VRK2: variants seen among roughly 807,000 people sequenced by gnomAD.
VRK2 encodes the protein VRK serine/threonine kinase 2.
In VRK2, 60 loss-of-function variants were observed where a neutral mutation model predicts 57.6. The observed-to-expected ratio is 1.04, with a 90% CI of 0.85 to 1.29. The LOEUF (loss-of-function observed/expected upper bound fraction) is 1.29. Ranked by LOEUF, VRK2 falls within the 50% of genes most tolerant of loss-of-function variation. The pLI is 0.00. For synonymous variants in VRK2, 231 were observed against 199.2 expected (o/e 1.16, Z -1.35); for missense variants, 705 against 588.1 (o/e 1.20, Z -2.06).
At chr2:58,039,736 A>G (rs1036066663) in intron 3 of VRK2, among the ~76,000 whole-genome samples, 6 of 152,134 alleles carry the variant, frequency 3.9e-5, no homozygotes, top group African/African-American at 1.4e-4. Context: ...TGGAAAGCAT[A>G]TAACCTAAAA....
At chr2:58,064,110 GAT>G (rs1167839255) in intron 2 of VRK2, among the ~76,000 whole-genome samples, 2 of 152,086 alleles carry the variant, frequency 1.3e-5, no homozygotes, top group Non-Finnish European at 2.9e-5. Context: ...GGTTTCCTGA[GAT>G]AGAATCTATC....
At chr2:57,952,254 GA>G (rs1327558717) in intron 1 of VRK2, among the ~76,000 whole-genome samples, 1 of 151,778 alleles carries the variant, frequency 6.6e-6, no homozygotes, top group Non-Finnish European at 1.5e-5. Flanking sequence ...TGGTGGTCTG[GA>G]AAAAAACCCA....
At chr2:58,120,774 C>T (rs958401437) in intron 7 of VRK2, among the ~76,000 whole-genome samples, 2 of 152,128 alleles carry the variant, frequency 1.3e-5, no homozygotes, top group African/African-American at 4.8e-5. Context: ...GATGGTCATT[C>T]CTTTGCAGGA....
chr2:58,076,348 A>G (rs556663316), intron 2 of VRK2, among the ~76,000 whole-genome samples: 52 of 152,132 alleles, frequency 3.4e-4, no homozygotes, highest in African/African-American at 1.2e-3. Flanking sequence ...ATTAGCCTAC[A>G]ATTGGGCAAA....
intron 1 of VRK2, among the ~76,000 whole-genome samples, chr2:58,012,496 G>A (rs1300970786): frequency 6.6e-6 from 1 of 152,116 alleles, no homozygotes; most frequent in Non-Finnish European, 1.5e-5. Flanking sequence ...TATTTATCAG[G>A]CATGCTTAAT....
chr2:58,126,927 A>C (rs891067805), intron 8 of VRK2, among the ~76,000 whole-genome samples: 15 of 152,026 alleles, frequency 9.9e-5, no homozygotes, highest in Non-Finnish European at 2.1e-4. Flanking sequence ...AGATTTTTCT[A>C]CTCACTGAGG....
intron 8 of VRK2, among the ~76,000 whole-genome samples, chr2:58,125,097 C>T (rs775397161): frequency 3.3e-5 from 5 of 152,106 alleles, no homozygotes; most frequent in African/African-American, 4.8e-5. Flanking sequence ...ATTCATCATA[C>T]AGGTTCTTAA....
In VRK2 at chr2:58,089,615, C is replaced by G; in HGVS notation, c.451-16C>G. The G allele has an allele frequency of 6.7e-7, 1 of 1,502,628 alleles. No individual in the cohort carries two copies. 93.1% of individuals were successfully genotyped at this position (1,502,628 alleles called of 1,614,324 possible). ...TAAATAGCAGTAAACCTTATTTTAT[C>G]TATTTATTTTCACAGTTGGATGTAC... On this transcript the variant is annotated splice_polypyrimidine_tract_variant and intron_variant, in intron 6 of 12. Coordinates refer to ENST00000340157, the MANE Select transcript of VRK2 (RefSeq NM_006296.7).
chr2:57,935,418 T>C (rs575900321), intron 1 of VRK2, among the ~76,000 whole-genome samples: 31 of 152,328 alleles, frequency 2.0e-4, no homozygotes, highest in African/African-American at 6.5e-4. Flanking sequence ...TCTAGGGCAG[T>C]GCTCTGAAAT....
chr2:58,077,899 G>C (rs1380598614), intron 2 of VRK2, among the ~76,000 whole-genome samples: 1 of 152,082 alleles, frequency 6.6e-6, no homozygotes, highest in East Asian at 1.9e-4. Context: ...CAAAGAGATA[G>C]CTGGCAACAT....
chr2:58,137,241 T>TATGATA, intron 10 of VRK2, among the ~76,000 whole-genome samples: 1 of 129,680 alleles, frequency 7.7e-6, no homozygotes, highest in Non-Finnish European at 1.6e-5. Context: ...TACATATATA[T>TATGATA]CATATATATG....
intron 2 of VRK2, among the ~76,000 whole-genome samples, chr2:58,059,351 A>G (rs1331074837): frequency 6.6e-6 from 1 of 152,000 alleles, no homozygotes; most frequent in Admixed American, 6.6e-5. Flanking sequence ...TTTTGAGTCA[A>G]ATAAGCAACA....
intron 2 of VRK2, among the ~76,000 whole-genome samples, chr2:58,075,357 T>C (rs927770712): frequency 6.6e-6 from 1 of 152,118 alleles, no homozygotes; most frequent in Non-Finnish European, 1.5e-5. Context: ...TTCATGTGCA[T>C]GGGTCTTTTT....
At chr2:57,938,557 G>A (rs1459689942) in intron 1 of VRK2, among the ~76,000 whole-genome samples, 1 of 152,154 alleles carries the variant, frequency 6.6e-6, no homozygotes, top group Non-Finnish European at 1.5e-5. Context: ...TTATCAGATT[G>A]ATGCTGATTG....
rs367931194 is a variant in VRK2 at position 58,084,741 on chromosome 2, C to G, written c.187-140C>G. 1.2e-5 allele frequency: 6 copies of G among 519,558 alleles called. No homozygotes were observed. The East Asian group carries it at 1.5e-4, about 13-fold the overall frequency. 32.2% of individuals were successfully genotyped at this position (519,558 alleles called of 1,614,324 possible). The stretch of plus-strand genomic sequence containing the variant: ...GTTTTCTGAGATTTTTAGTGGAAAT[C>G]TGGTGCCTATGTTTTATAAAAAGTG... On this transcript the variant is annotated intron_variant, in intron 3 of 12. Coordinates refer to ENST00000340157, the MANE Select transcript of VRK2 (RefSeq NM_006296.7).
intron 1 of VRK2, among the ~76,000 whole-genome samples, chr2:58,002,826 G>T (rs1479508850): frequency 6.6e-6 from 1 of 152,162 alleles, no homozygotes; most frequent in African/African-American, 2.4e-5. Context: ...GAATAATGCT[G>T]TTACAACTGT....
intron 12 of VRK2, among the ~76,000 whole-genome samples, chr2:58,157,697 C>CAGA: frequency 6.6e-6 from 1 of 152,214 alleles, no homozygotes; most frequent in Non-Finnish European, 1.5e-5. Context: ...TTATGATGAT[C>CAGA]TGTTTGCTTT....
At chr2:57,996,235 C>T (rs906391089) in intron 1 of VRK2, among the ~76,000 whole-genome samples, 71 of 152,156 alleles carry the variant, frequency 4.7e-4, no homozygotes, top group African/African-American at 1.6e-3. Flanking sequence ...TTGCAGAAAC[C>T]GAGGGATGAC....
chr2:58,111,564 CA>C lies in VRK2; in HGVS notation c.544-11531del, dbSNP rs371495836. ...CCCAGGAGTTCAAGACCAGCCCAGG[CA>C]AAAAAGTGAGACCCCATCTCTATTT... On this transcript the variant is annotated intron_variant, in intron 7 of 12. Coordinates refer to ENST00000340157, the MANE Select transcript of VRK2 (RefSeq NM_006296.7). 1.1e-4 allele frequency among the ~76,000 whole-genome samples: 17 copies of C among 151,764 alleles called. 1 individual carries two copies. The highest frequency in any genetic ancestry group is 4.1e-4 in the African/African-American group (17 of 41,428).
Sources: allele counts gnomAD v4.1 joint callset (sites outside exome capture counted in the v4.1 genomes callset), GRCh38; gene constraint gnomAD v4.1.1; transcripts MANE v1.5; gene names NCBI Gene and HGNC (gene_info 2026-07-23, HGNC 2026-07-21).